The following MROH9 variants were observed in gnomAD, a reference collection of about 807,000 sequenced individuals.
MROH9 encodes maestro heat like repeat family member 9, also known as maestro heat-like repeat-containing protein family member 9.
MROH9 carries 92 observed loss-of-function variants against 98.2 expected under a neutral mutation model. The observed-to-expected ratio is 0.94, with a 90% CI of 0.79 to 1.11. The LOEUF (loss-of-function observed/expected upper bound fraction) is 1.11, where lower values mean the gene tolerates loss of function less well. Among genes scored for constraint, MROH9 ranks in the 50% most tolerant of loss-of-function variants. The probability of loss-of-function intolerance (pLI) is 0.00; values close to 1 mark genes in which losing one functional copy is unlikely to be tolerated. For synonymous variants in MROH9, 397 were observed against 368.9 expected (o/e 1.08, Z -0.87); for missense variants, 1,057 against 1,014.8 (o/e 1.04, Z -0.57).
At chr1:171,038,491 C>T (rs1653182899) in intron 20 of MROH9, among the ~76,000 whole-genome samples, 1 of 152,108 alleles carries the variant, frequency 6.6e-6, no homozygotes, top group Non-Finnish European at 1.5e-5. Context: ...TCAGTAATCT[C>T]CTCTCAAGAG....
chr1:170,947,299 C>T (rs1216637019), intron 2 of MROH9, among the ~76,000 whole-genome samples: 1 of 151,890 alleles, frequency 6.6e-6, no homozygotes, highest in Admixed American at 6.6e-5. Context: ...TGGGTATAGG[C>T]TTTTATTCTT....
chr1:171,059,511 C>T (rs1653949472), intron 20 of MROH9, among the ~76,000 whole-genome samples: 1 of 152,136 alleles, frequency 6.6e-6, no homozygotes, highest in African/African-American at 2.4e-5. Flanking sequence ...ACCAGAAATA[C>T]CACTTGACCC....
intron 15 of MROH9, among the ~76,000 whole-genome samples, chr1:171,013,613 C>G (rs184564252): frequency 1.3e-5 from 2 of 152,120 alleles, no homozygotes; most frequent in Non-Finnish European, 2.9e-5. Flanking sequence ...ATTAGAAACT[C>G]TGTCTCATTA....
At chr1:170,958,022 GA>G (rs1649842665) in intron 3 of MROH9, among the ~76,000 whole-genome samples, 1 of 151,758 alleles carries the variant, frequency 6.6e-6, no homozygotes, top group Non-Finnish European at 1.5e-5. Flanking sequence ...TATTAGCCAG[GA>G]TGGTCTCGAT....
intron 8 of MROH9, among the ~76,000 whole-genome samples, chr1:170,981,421 T>C (rs772301876): frequency 2.0e-5 from 3 of 152,208 alleles, no homozygotes; most frequent in Non-Finnish European, 4.4e-5. Flanking sequence ...ACTGGAATAC[T>C]ATGCAGGCAC....
chr1:171,055,618 TAAAA>T (rs1204544479), intron 20 of MROH9, among the ~76,000 whole-genome samples: 3,441 of 78,328 alleles, frequency 0.044, 137 homozygotes, highest in African/African-American at 0.13. Context: ...TGAGACTTCA[TAAAA>T]AAAAAAAAAA....
chr1:171,055,668 G>C (rs1405172082), intron 20 of MROH9, among the ~76,000 whole-genome samples: 1 of 151,318 alleles, frequency 6.6e-6, no homozygotes, highest in Non-Finnish European at 1.5e-5. Flanking sequence ...GGGACTCAGG[G>C]GAAAAGGTGG....
intron 15 of MROH9, among the ~76,000 whole-genome samples, chr1:171,011,883 T>G (rs186709227): frequency 1.4e-4 from 17 of 123,934 alleles, no homozygotes; most frequent in Non-Finnish European, 2.4e-4. Flanking sequence ...AATTCTATTG[T>G]TTTTTTTGTT....
In MROH9 at chr1:170,992,205, G is replaced by C; in HGVS notation, c.1070G>C (p.Ser357Thr). 1 of 1,613,152 alleles carries C rather than the reference G, an allele frequency of 6.2e-7. No homozygotes were observed. Among genetic ancestry groups the C allele is most frequent in the Non-Finnish European group, 8.5e-7 (1 of 1,179,552 alleles). The change falls in exon 12 of 22, where the codon AGC becomes ACC. Residue 357 changes from serine to threonine, a missense_variant. Ser to Thr is a moderately conservative substitution (Grantham distance 58, BLOSUM62 1). Transcript: ENST00000367759. Reference sequence around the variant, plus strand: ...TGGAAGGCGGCATGTTCTCAGGCGAGCGTGGCCCCTCACGTGCTGAAGACA... The same window carrying C: ...TGGAAGGCGGCATGTTCTCAGGCGACCGTGGCCCCTCACGTGCTGAAGACA... ...QMWKAACSQA[S>T]VAPHVLKTIL...
chr1:171,015,110 T>TA, intron 16 of MROH9: 1 of 468,672 alleles, frequency 2.1e-6, no homozygotes, highest in South Asian at 1.6e-5. Context: ...ATTACTTTTA[T>TA]AATACATCCA....
chr1:171,052,347 G>A (rs1386586074), intron 20 of MROH9, among the ~76,000 whole-genome samples: 2 of 152,196 alleles, frequency 1.3e-5, no homozygotes, highest in African/African-American at 4.8e-5. Context: ...CCCCCCAGTG[G>A]TAGTCATAAG....
chr1:171,006,199 G>A (rs1326790852), intron 15 of MROH9, among the ~76,000 whole-genome samples: 1 of 151,052 alleles, frequency 6.6e-6, no homozygotes, highest in Non-Finnish European at 1.5e-5. Flanking sequence ...GTCAGGTATA[G>A]TATTCTTGGT....
At chr1:170,988,374 G>T (rs1298833557) in intron 10 of MROH9, among the ~76,000 whole-genome samples, 1 of 152,082 alleles carries the variant, frequency 6.6e-6, no homozygotes, top group Non-Finnish European at 1.5e-5. Context: ...CATTCTGTAG[G>T]GCAAACACAA....
At chr1:170,996,479 A>G (rs750984198) in intron 13 of MROH9, 28 bp from the exon 14 acceptor site, 24 of 1,609,058 alleles carry the variant, frequency 1.5e-5, no homozygotes, top group Middle Eastern at 3.3e-4. Context: ...CCGGCATGTG[A>G]TGACTTTGCT....
At chr1:171,053,238 C>A (rs955460158) in intron 20 of MROH9, among the ~76,000 whole-genome samples, 1 of 152,192 alleles carries the variant, frequency 6.6e-6, no homozygotes, top group Non-Finnish European at 1.5e-5. Context: ...GACAAATGCT[C>A]ATGGTAGCCA....
intron 17 of MROH9, among the ~76,000 whole-genome samples, chr1:171,022,583 C>T (rs559670111): frequency 6.6e-6 from 1 of 152,168 alleles, no homozygotes; most frequent in African/African-American, 2.4e-5. Flanking sequence ...GAACAACACA[C>T]ACCAGGGCCA....
At chr1:170,988,637 T>C (rs1279699779) in intron 10 of MROH9, among the ~76,000 whole-genome samples, 2 of 152,196 alleles carry the variant, frequency 1.3e-5, no homozygotes, top group African/African-American at 4.8e-5. Flanking sequence ...ACTGGACTAC[T>C]GAAAACAGTG....
intron 20 of MROH9, among the ~76,000 whole-genome samples, chr1:171,053,501 A>C (rs1009201910): frequency 6.6e-6 from 1 of 152,234 alleles, no homozygotes; most frequent in African/African-American, 2.4e-5. Context: ...ATCCCCTCTG[A>C]GAAAAGATAA....
chr1:170,984,575 C>T (rs750069058), intron 9 of MROH9, among the ~76,000 whole-genome samples: 37 of 152,260 alleles, frequency 2.4e-4, no homozygotes, highest in Non-Finnish European at 5.4e-4. Context: ...AATTGAAATC[C>T]TGAGTACCAT....
Sources: allele counts gnomAD v4.1 joint callset (sites outside exome capture counted in the v4.1 genomes callset), GRCh38; gene constraint gnomAD v4.1.1; transcripts MANE v1.5; gene names NCBI Gene and HGNC (gene_info 2026-07-23, HGNC 2026-07-21).